MARCHF10: variants seen among roughly 807,000 people sequenced by gnomAD.
MARCHF10 encodes the protein probable E3 ubiquitin-protein ligase MARCHF10.
In MARCHF10, 64 loss-of-function variants were observed where a neutral mutation model predicts 76.2. The observed-to-expected ratio is 0.84, with a 90% confidence interval of 0.69 to 1.03. MARCHF10 has a LOEUF of 1.03. Ranked by LOEUF, MARCHF10 falls within the 50% of genes least tolerant of loss-of-function variation. MARCHF10 has a pLI of 0.00. For synonymous variants in MARCHF10, 340 were observed against 357.5 expected (o/e 0.95, Z 0.55); for missense variants, 875 against 958.0 (o/e 0.91, Z 1.14).
chr17:62,756,498 A>G (rs983304834), intron 4 of MARCHF10, among the ~76,000 whole-genome samples: 1 of 152,236 alleles, frequency 6.6e-6, no homozygotes, highest in Non-Finnish European at 1.5e-5. Context: ...TTTGTAAAGA[A>G]AAAAAGATGT....
chr17:62,730,654 G>A (rs1271709703), intron 6 of MARCHF10, among the ~76,000 whole-genome samples: 2 of 152,172 alleles, frequency 1.3e-5, no homozygotes, highest in Non-Finnish European at 1.5e-5. Flanking sequence ...CCAGCACTTT[G>A]GGAGGCTGAG....
At chr17:62,717,298 C>T (rs2090259109) in intron 8 of MARCHF10, among the ~76,000 whole-genome samples, 1 of 152,242 alleles carries the variant, frequency 6.6e-6, no homozygotes, top group Non-Finnish European at 1.5e-5. Flanking sequence ...TGACCTGGCT[C>T]TCCCCACAGG....
intron 2 of MARCHF10, among the ~76,000 whole-genome samples, chr17:62,797,532 A>G (rs1421630508): frequency 1.3e-5 from 2 of 152,200 alleles, no homozygotes; most frequent in Non-Finnish European, 2.9e-5. Flanking sequence ...AACAGCTACT[A>G]TGTGTATGAG....
intron 5 of MARCHF10, among the ~76,000 whole-genome samples, chr17:62,743,229 A>C (rs984861566): frequency 1.1e-4 from 16 of 152,226 alleles, no homozygotes; most frequent in Non-Finnish European, 1.3e-4. Context: ...GGCAGAAGGC[A>C]TTGATCACTG....
chr17:62,763,172 T>C (rs2092252676), intron 3 of MARCHF10, among the ~76,000 whole-genome samples: 1 of 152,256 alleles, frequency 6.6e-6, no homozygotes, highest in Non-Finnish European at 1.5e-5. Flanking sequence ...TTGGCTTTTA[T>C]AATTAGCCAT....
At chr17:62,759,738 T>C (rs900952211) in intron 4 of MARCHF10, 97 bp downstream of exon 4, 13 of 1,277,432 alleles carry the variant, frequency 1.0e-5, no homozygotes, top group Non-Finnish European at 1.4e-5. Context: ...CTCAAAGTGC[T>C]GGGATTACAG....
intron 1 of MARCHF10, among the ~76,000 whole-genome samples, chr17:62,805,382 A>G (rs2148234093): frequency 6.6e-6 from 1 of 152,336 alleles, no homozygotes; most frequent in East Asian, 1.9e-4. Flanking sequence ...TTATTCAGGC[A>G]GAGACCATAA....
rs2089952702 is a variant in MARCHF10 at position 62,711,906 on chromosome 17, C to T, written c.2215-562G>A. ...TCCCTAAGCATTCGTCTTGATCTTG[C>T]ATATCACCTTTTGCACTTGTTAACG... On this transcript the variant is annotated intron_variant, in intron 8 of 10. Transcript: ENST00000311269. This position sits in a 1 kb window ranked among gnomAD's most constrained non-coding sequence, Gnocchi z 4.4. 6.6e-6 allele frequency among the ~76,000 whole-genome samples: 1 copy of T among 152,208 alleles called. No homozygotes were observed. Among genetic ancestry groups the T allele is most frequent in the African/African-American group, 2.4e-5 (1 of 41,460 alleles).
chr17:62,770,074 G>A (rs1450659163), intron 3 of MARCHF10, among the ~76,000 whole-genome samples: 1 of 152,148 alleles, frequency 6.6e-6, no homozygotes, highest in Non-Finnish European at 1.5e-5. Context: ...TTATATCCAT[G>A]TGTGCTCAAT....
rs187863332 is a variant in MARCHF10 at position 62,732,372 on chromosome 17, T to A, written c.1937+3559A>T. 1.7e-3 allele frequency among the ~76,000 whole-genome samples: 261 copies of A among 152,210 alleles called. 1 individual carries two copies. The highest frequency in any genetic ancestry group is 6.1e-3 in the African/African-American group (254 of 41,538). ...GCATTAAGACGGAATGGCATTAGATTAGGGAAAGACAACAAAAGACCAATG... is the reference window on the plus strand; with the variant it reads ...GCATTAAGACGGAATGGCATTAGATAAGGGAAAGACAACAAAAGACCAATG... On this transcript the variant is annotated intron_variant, in intron 6 of 10. Transcript: ENST00000311269.
In MARCHF10 at chr17:62,736,790, T is replaced by C. The variant is rs1338419257; in HGVS notation, c.1078A>G (p.Met360Val). ...GAAGGCCGCTCTGTTGCTGGCTCCA[T>C]TGCATTGCTTATTCTCAATGAGCCA... ...SHGSLRISNA[M>V]EPATERPSAG... is the part of the protein sequence containing the mutation. Residue 360 changes from methionine to valine, a missense_variant, in exon 6 of 11, where the codon ATG becomes GTG. Coordinates refer to ENST00000311269, the MANE Select transcript of MARCHF10 (RefSeq NM_152598.4). The C allele has an allele frequency of 1.2e-6, 2 of 1,614,086 alleles. No homozygotes were observed. The highest frequency in any genetic ancestry group is 1.1e-5 in the South Asian group (1 of 91,084).
At chr17:62,753,094 TTCTCTCTC>T (rs140348805) in intron 4 of MARCHF10, among the ~76,000 whole-genome samples, 1 of 150,350 alleles carries the variant, frequency 6.7e-6, no homozygotes, top group Admixed American at 6.7e-5. Context: ...AAACCAGAGC[TTCTCTCTC>T]TCTCTCTCTC....
chr17:62,746,223 C>T (rs2091697613), intron 4 of MARCHF10, among the ~76,000 whole-genome samples: 1 of 152,142 alleles, frequency 6.6e-6, no homozygotes, highest in Non-Finnish European at 1.5e-5. Flanking sequence ...GTCCTGCAGG[C>T]CAAGACAGAG....
chr17:62,793,243 AC>A (rs2092907101), intron 2 of MARCHF10, among the ~76,000 whole-genome samples: 1 of 97,704 alleles, frequency 1.0e-5, no homozygotes, highest in South Asian at 3.6e-4. Flanking sequence ...CACCTCCACC[AC>A]CACCACAACT....
intron 10 of MARCHF10, 140 bp from the exon 11 acceptor site, chr17:62,701,898 C>T (rs553216647): frequency 3.8e-5 from 43 of 1,119,750 alleles, no homozygotes; most frequent in South Asian, 9.2e-5. Context: ...TGCCTGGAAC[C>T]GTGTGGGGAA....
chr17:62,754,368 CG>C (rs1490167924), intron 4 of MARCHF10, among the ~76,000 whole-genome samples: 5 of 152,164 alleles, frequency 3.3e-5, no homozygotes, highest in Non-Finnish European at 7.4e-5. Flanking sequence ...CCACTGCGCC[CG>C]GCCAAATTCT....
At chr17:62,803,022 T>C (rs199806890) in intron 1 of MARCHF10, among the ~76,000 whole-genome samples, 1 of 152,230 alleles carries the variant, frequency 6.6e-6, no homozygotes, top group East Asian at 1.9e-4. Context: ...AGTGGTGTGA[T>C]CATAACTCAC....
At chr17:62,776,422 A>G (rs2092556557) in intron 3 of MARCHF10, among the ~76,000 whole-genome samples, 2 of 152,210 alleles carry the variant, frequency 1.3e-5, no homozygotes, top group African/African-American at 4.8e-5. Flanking sequence ...AAAAGGCAGG[A>G]CAACTTTCTG....
In MARCHF10 at chr17:62,746,992, C is replaced by T. The variant is rs538243291; in HGVS notation, c.383-2464G>A. On this transcript the variant is annotated intron_variant, in intron 4 of 10. Transcript: ENST00000311269. ...GCTCTGACTCTGCTTTGGAAAAAAC[C>T]CTTACTTTCAGCGTTTTTAAAAAAT... 14 of 1,528,048 alleles carry T rather than the reference C, an allele frequency of 9.2e-6. No individual in the cohort carries two copies. The African/African-American group carries it at 1.8e-4, about 19-fold the overall frequency. 94.7% of individuals were successfully genotyped at this position (1,528,048 alleles called of 1,614,324 possible).
Sources: gnomAD v4.1 joint callset for allele counts (sites outside exome capture counted in the v4.1 genomes callset) on GRCh38, gnomAD v4.1.1 for gene constraint, Gnocchi (gnomAD v3.1) non-coding constraint, MANE v1.5 for transcripts, NCBI Gene and HGNC (gene_info 2026-07-23, HGNC 2026-07-21) for gene names.